The following TMEM132B variants were observed in gnomAD, a reference collection of about 807,000 sequenced individuals.
TMEM132B encodes the protein transmembrane protein 132B.
A neutral mutation model predicts 90.8 loss-of-function variants in TMEM132B; 18 were observed. The observed-to-expected ratio is 0.20, with a 90% CI of 0.14 to 0.29. The LOEUF (loss-of-function observed/expected upper bound fraction) is 0.29, where lower values mean the gene tolerates loss of function less well. Among genes scored for constraint, TMEM132B ranks in the 10% least tolerant of loss-of-function variants. The pLI is 1.00. For missense variants in TMEM132B, 1,096 were observed against 1,326.8 expected (o/e 0.83, Z 2.70); for synonymous variants, 504 against 523.3 (o/e 0.96, Z 0.50).
At chr12:125,541,835 C>T (rs1410326128) in intron 4 of TMEM132B, among the ~76,000 whole-genome samples, 13 of 151,222 alleles carry the variant, frequency 8.6e-5, no homozygotes, top group African/African-American at 1.2e-4. Flanking sequence ...CTGGCTAACA[C>T]GGTGAAACCC....
chr12:125,648,530 G>GTTT (rs60114108), intron 6 of TMEM132B, among the ~76,000 whole-genome samples: 12 of 132,500 alleles, frequency 9.1e-5, no homozygotes, highest in African/African-American at 1.9e-4. Flanking sequence ...AAGATCTCCT[G>GTTT]TTTTTTTTTT....
At chr12:125,396,887 C>T (rs1287045627) in intron 2 of TMEM132B, among the ~76,000 whole-genome samples, 1 of 152,158 alleles carries the variant, frequency 6.6e-6, no homozygotes, top group Non-Finnish European at 1.5e-5. Flanking sequence ...TCCACGTTCA[C>T]ACAGCTAGAG....
chr12:125,249,714 A>T (rs557666180), intron 1 of TMEM132B, among the ~76,000 whole-genome samples: 2 of 152,374 alleles, frequency 1.3e-5, no homozygotes, highest in Non-Finnish European at 2.9e-5. Context: ...GACAGTTGTC[A>T]TCAAGCTATC....
At chr12:125,469,637 C>T (rs990670063) in intron 3 of TMEM132B, among the ~76,000 whole-genome samples, 4 of 152,140 alleles carry the variant, frequency 2.6e-5, no homozygotes, top group Admixed American at 6.5e-5. Context: ...TCAGGTCACC[C>T]GGTTTCCAGC....
intron 3 of TMEM132B, among the ~76,000 whole-genome samples, chr12:125,422,417 A>G (rs746427894): frequency 3.3e-5 from 5 of 152,206 alleles, no homozygotes; most frequent in Non-Finnish European, 5.9e-5. Flanking sequence ...GCCAGCTTTC[A>G]GCTCTCTTGT....
intron 3 of TMEM132B, among the ~76,000 whole-genome samples, chr12:125,426,059 C>T (rs951237167): frequency 6.6e-6 from 1 of 152,180 alleles, no homozygotes; most frequent in Admixed American, 6.5e-5. Context: ...TTTTTCATTC[C>T]AATCAGCAGT....
intron 2 of TMEM132B, among the ~76,000 whole-genome samples, chr12:125,367,127 T>C (rs1382687781): frequency 6.6e-6 from 1 of 152,236 alleles, no homozygotes; most frequent in Non-Finnish European, 1.5e-5. Context: ...TTTAAAATGC[T>C]CTTCTGGTAA....
chr12:125,389,856 G>A (rs1019675839), intron 2 of TMEM132B, among the ~76,000 whole-genome samples: 4 of 152,172 alleles, frequency 2.6e-5, no homozygotes, highest in African/African-American at 9.7e-5. Flanking sequence ...TATAATAGGT[G>A]CCTCTCAAGT....
At chr12:125,208,992 C>T (rs1475830211) in intron 1 of TMEM132B, among the ~76,000 whole-genome samples, 1 of 152,178 alleles carries the variant, frequency 6.6e-6, no homozygotes, top group Non-Finnish European at 1.5e-5. Context: ...GCTGCGTCCC[C>T]TCTGAGTGCT....
chr12:125,283,002 T>C (rs1430594158), intron 1 of TMEM132B, among the ~76,000 whole-genome samples: 1 of 152,010 alleles, frequency 6.6e-6, no homozygotes, highest in African/African-American at 2.4e-5. Context: ...AGAAAGCGGG[T>C]ATTCTGTTCA....
chr12:125,262,866 C>T (rs1874600176), intron 1 of TMEM132B, among the ~76,000 whole-genome samples: 1 of 152,196 alleles, frequency 6.6e-6, no homozygotes, highest in Non-Finnish European at 1.5e-5. Flanking sequence ...CCCTTGGATT[C>T]AGCTAAGAGG....
chr12:125,256,071 C>T (rs1874432463), intron 1 of TMEM132B, among the ~76,000 whole-genome samples: 2 of 152,118 alleles, frequency 1.3e-5, no homozygotes, highest in Admixed American at 1.3e-4. Context: ...CTGGGTCAGT[C>T]AGTGCGTTCA....
intron 2 of TMEM132B, among the ~76,000 whole-genome samples, chr12:125,392,708 G>A (rs1449180684): frequency 6.6e-6 from 1 of 152,170 alleles, no homozygotes; most frequent in African/African-American, 2.4e-5. Context: ...TTGCAGGCTG[G>A]GACCAATAAC....
intron 2 of TMEM132B, among the ~76,000 whole-genome samples, chr12:125,376,287 T>C (rs955254966): frequency 8.5e-4 from 129 of 152,324 alleles, no homozygotes; most frequent in Non-Finnish European, 1.4e-3. Context: ...GCTTTTTTTT[T>C]CCACTTCAAG....
At chr12:125,335,745 G>C (rs2136212220) in intron 1 of TMEM132B, among the ~76,000 whole-genome samples, 1 of 152,288 alleles carries the variant, frequency 6.6e-6, no homozygotes, top group South Asian at 2.1e-4. Context: ...CCAGCACTTT[G>C]GGCAGCTGAG....
intron 3 of TMEM132B, among the ~76,000 whole-genome samples, chr12:125,435,873 C>T (rs1880684898): frequency 6.6e-6 from 1 of 151,438 alleles, no homozygotes; most frequent in South Asian, 2.1e-4. Flanking sequence ...CTCTCCTAAC[C>T]AGGGCAGCAG....
chr12:125,323,852 A>G (rs1876492368), intron 1 of TMEM132B, among the ~76,000 whole-genome samples: 1 of 152,198 alleles, frequency 6.6e-6, no homozygotes, highest in Non-Finnish European at 1.5e-5. Context: ...GGTAGTGCCT[A>G]CCTACCTCAT....
chr12:125,655,317 A>G lies in TMEM132B; in HGVS notation c.*607A>G, dbSNP rs1449831001. ...TGAGTTTTCTTCCCTGGGATTTGCC[A>G]TGCCATGTTATTTCCTGGGTCTCCA... On this transcript the variant is annotated 3_prime_UTR_variant, in exon 9 of 9. Transcript: ENST00000682704. 1 of 152,226 alleles carries G rather than the reference A, an allele frequency of 6.6e-6. No homozygotes were observed. Among genetic ancestry groups the G allele is most frequent in the East Asian group, 1.9e-4 (1 of 5,194 alleles). 9.4% of individuals were successfully genotyped at this position (152,226 alleles called of 1,614,324 possible).
intron 3 of TMEM132B, among the ~76,000 whole-genome samples, chr12:125,451,714 C>A (rs188880303): frequency 1.3e-5 from 2 of 151,576 alleles, no homozygotes; most frequent in Non-Finnish European, 2.9e-5. Context: ...TGTCAGACAT[C>A]GTGTTTTCAG....
Sources: gnomAD v4.1 joint callset for allele counts (sites outside exome capture counted in the v4.1 genomes callset) on GRCh38, gnomAD v4.1.1 for gene constraint, MANE v1.5 for transcripts, NCBI Gene and HGNC (gene_info 2026-07-23, HGNC 2026-07-21) for gene names.